TRHDE: variants seen among roughly 807,000 people sequenced by gnomAD.
The protein encoded by TRHDE is thyrotropin-releasing hormone-degrading ectoenzyme.
A neutral mutation model predicts 125.7 loss-of-function variants in TRHDE; 72 were observed. The ratio of observed to expected loss-of-function variants is 0.57; its 90% confidence interval spans 0.47 to 0.70. The LOEUF (loss-of-function observed/expected upper bound fraction) is 0.70. Among genes scored for constraint, TRHDE ranks in the 30% least tolerant of loss-of-function variants. The pLI is 0.00. For synonymous variants in TRHDE, 509 were observed against 509.1 expected, an observed-to-expected ratio of 1.00 and a Z score of 0.00; for missense variants, 1,110 against 1,327.1, an observed-to-expected ratio of 0.84 and a Z score of 2.54.
intron 12 of TRHDE, among the ~76,000 whole-genome samples, chr12:72,599,196 C>A (rs1205391781): frequency 2.0e-5 from 3 of 152,026 alleles, no homozygotes; most frequent in African/African-American, 7.2e-5. Context: ...ATAAAGAGTG[C>A]AGGTGTCTTT....
At chr12:72,356,329 T>C (rs1870819141) in intron 2 of TRHDE, among the ~76,000 whole-genome samples, 1 of 151,122 alleles carries the variant, frequency 6.6e-6, no homozygotes, top group South Asian at 2.1e-4. Context: ...TAAGTGGGAA[T>C]GGTAAGAACA....
chr12:72,613,180 A>C (rs1305397695), intron 12 of TRHDE, among the ~76,000 whole-genome samples: 2 of 152,298 alleles, frequency 1.3e-5, no homozygotes, highest in African/African-American at 4.8e-5. Flanking sequence ...GCTTCTAGGA[A>C]AGTAATTTGC....
chr12:72,338,005 A>G (rs1185567737), intron 2 of TRHDE, among the ~76,000 whole-genome samples: 1 of 152,088 alleles, frequency 6.6e-6, no homozygotes, highest in Non-Finnish European at 1.5e-5. Flanking sequence ...AAAAAAAGCA[A>G]CTTATAGAAA....
At chr12:72,182,652 T>C (rs1877117651) in intron 2 of TRHDE, among the ~76,000 whole-genome samples, 1 of 152,014 alleles carries the variant, frequency 6.6e-6, no homozygotes, top group Non-Finnish European at 1.5e-5. Context: ...ACCACCCTGG[T>C]GGAGAAAGAA....
intron 1 of TRHDE, among the ~76,000 whole-genome samples, chr12:72,088,298 A>G (rs1222320614): frequency 6.6e-6 from 1 of 152,152 alleles, no homozygotes; most frequent in East Asian, 1.9e-4. Context: ...GGAGAATCTA[A>G]TGTACCTTGA....
chr12:72,321,876 TAC>T (rs375433570), intron 2 of TRHDE, among the ~76,000 whole-genome samples: 4 of 150,812 alleles, frequency 2.7e-5, no homozygotes, highest in Admixed American at 6.6e-5. Context: ...TCTACATACA[TAC>T]ACACACACAC....
At chr12:72,495,060 G>GTTTTTTTTTTTTTTTTTTTTTT (rs751243542) in intron 5 of TRHDE, among the ~76,000 whole-genome samples, 8 of 58,392 alleles carry the variant, frequency 1.4e-4, no homozygotes, top group African/African-American at 3.0e-4. Flanking sequence ...TTCCTCCCCC[G>GTTTTTTTTTTTTTTTTTTTTTT]TTTTTTTTTT....
chr12:72,343,156 A>G (rs1870159222), intron 2 of TRHDE, among the ~76,000 whole-genome samples: 1 of 152,090 alleles, frequency 6.6e-6, no homozygotes, highest in Non-Finnish European at 1.5e-5. Context: ...GTCGACTTGA[A>G]TCACCCAAAG....
intron 2 of TRHDE, among the ~76,000 whole-genome samples, chr12:72,162,535 T>C (rs1166554916): frequency 2.0e-5 from 3 of 152,184 alleles, no homozygotes; most frequent in African/African-American, 7.2e-5. Flanking sequence ...AGTGGCAGAA[T>C]GTTTCTGAGG....
chr12:72,471,918 C>T (rs1038943953), intron 4 of TRHDE, among the ~76,000 whole-genome samples: 3 of 152,234 alleles, frequency 2.0e-5, no homozygotes, highest in South Asian at 4.1e-4. Context: ...ATGTTCCAGC[C>T]GCACAGGTCT....
upstream of TRHDE, among the ~76,000 whole-genome samples, chr12:72,269,115 A>AC (rs930166618): frequency 1.5e-4 from 23 of 151,854 alleles, no homozygotes; most frequent in Middle Eastern, 3.4e-3. Flanking sequence ...CTGAAATTTC[A>AC]CCCCCCCACT....
chr12:72,136,619 A>G (rs571948815), intron 2 of TRHDE, among the ~76,000 whole-genome samples: 3 of 152,340 alleles, frequency 2.0e-5, no homozygotes, highest in South Asian at 2.1e-4. Flanking sequence ...TTAATATTCT[A>G]TGTTCTGCAA....
intron 2 of TRHDE, among the ~76,000 whole-genome samples, chr12:72,132,291 G>A (rs1175540715): frequency 6.6e-6 from 1 of 152,022 alleles, no homozygotes; most frequent in East Asian, 1.9e-4. Flanking sequence ...AAAAAGAGCT[G>A]GGGTTTCATA....
At chr12:72,583,644 A>C (rs1281526740) in intron 12 of TRHDE, among the ~76,000 whole-genome samples, 6 of 152,246 alleles carry the variant, frequency 3.9e-5, no homozygotes, top group Non-Finnish European at 5.9e-5. Context: ...ACAAGCTGGG[A>C]ATCTTTAGAC....
At chr12:72,483,845 C>A (rs958204020) in intron 5 of TRHDE, among the ~76,000 whole-genome samples, 1 of 152,028 alleles carries the variant, frequency 6.6e-6, no homozygotes, top group East Asian at 1.9e-4. Context: ...GATAGATTGA[C>A]AATTCATATC....
chr12:72,655,514 A>G (rs1338103450), intron 17 of TRHDE, among the ~76,000 whole-genome samples: 1 of 152,188 alleles, frequency 6.6e-6, no homozygotes, highest in African/African-American at 2.4e-5. Flanking sequence ...TGGTCAATCT[A>G]GATGCCATTT....
intron 6 of TRHDE, among the ~76,000 whole-genome samples, chr12:72,525,632 T>A (rs866442396): frequency 6.8e-6 from 1 of 146,944 alleles, no homozygotes; most frequent in Non-Finnish European, 1.5e-5. Context: ...TGTGTGTGTG[T>A]GTGAGAGAGA....
intron 2 of TRHDE, among the ~76,000 whole-genome samples, chr12:72,184,035 C>G (rs1199485800): frequency 1.3e-5 from 2 of 151,958 alleles, no homozygotes; most frequent in Admixed American, 1.3e-4. Context: ...TAGGAACCAC[C>G]CAAGGGTACA....
chr12:72,430,953 A>C (rs925707734), intron 3 of TRHDE, among the ~76,000 whole-genome samples: 1 of 152,054 alleles, frequency 6.6e-6, no homozygotes, highest in Non-Finnish European at 1.5e-5. Context: ...TTATAGTTTC[A>C]GTATACACAT....
Sources: allele counts gnomAD v4.1 joint callset (sites outside exome capture counted in the v4.1 genomes callset), GRCh38; gene constraint gnomAD v4.1.1; transcripts MANE v1.5; gene names NCBI Gene and HGNC (gene_info 2026-07-23, HGNC 2026-07-21).